CHRM3: variants seen among roughly 807,000 people sequenced by gnomAD.
The protein encoded by CHRM3 is cholinergic receptor muscarinic 3.
A neutral mutation model predicts 41.8 loss-of-function variants in CHRM3; 11 were observed. The observed-to-expected ratio is 0.26, with a 90% CI of 0.17 to 0.44. The LOEUF is 0.44. CHRM3 is among the 20% of genes least tolerant of loss of function. The probability of loss-of-function intolerance (pLI) is 1.00; values close to 1 mark genes in which losing one functional copy is unlikely to be tolerated. For synonymous variants in CHRM3, 297 were observed against 301.4 expected, an observed-to-expected ratio of 0.99 and a Z score of 0.15; for missense variants, 571 against 745.4, an observed-to-expected ratio of 0.77 and a Z score of 2.72.
At chr1:239,611,291 C>T (rs1456551471) in intron 3 of CHRM3, among the ~76,000 whole-genome samples, 1 of 151,704 alleles carries the variant, frequency 6.6e-6, no homozygotes, top group South Asian at 2.1e-4. Flanking sequence ...GAGTCCTTCT[C>T]GATTATAGTC....
chr1:239,401,836 T>G (rs1171687610), intron 1 of CHRM3, among the ~76,000 whole-genome samples: 1 of 152,108 alleles, frequency 6.6e-6, no homozygotes, highest in Non-Finnish European at 1.5e-5. Flanking sequence ...AGGCCTCTTA[T>G]TTTATATTTG....
rs369400780 is a variant in CHRM3, at chr1:239,611,614, T to C, written c.-312-20610T>C. Among the ~76,000 whole-genome samples, 126 of 152,052 alleles carry C rather than the reference T, an allele frequency of 8.3e-4. 2 individuals carry two copies. In the East Asian group the frequency reaches 0.017, roughly 21 times the overall value. ...TTTTTTATTTTTAGTAGAGATGGGGTTTCACCATGTTGGCCAGGATGGTCT... is the reference window on the plus strand; with the variant it reads ...TTTTTTATTTTTAGTAGAGATGGGGCTTCACCATGTTGGCCAGGATGGTCT... On this transcript the variant is annotated intron_variant, in intron 3 of 6. Transcript: ENST00000676153.
At chr1:239,536,441 AAAGG>A (rs1658204166) in intron 2 of CHRM3, among the ~76,000 whole-genome samples, 2 of 152,200 alleles carry the variant, frequency 1.3e-5, no homozygotes. Context: ...TCTTGACATT[AAAGG>A]AAGTATTATC....
chr1:239,807,007 A>G (rs1358114380), intron 5 of CHRM3, among the ~76,000 whole-genome samples: 1 of 152,162 alleles, frequency 6.6e-6, no homozygotes, highest in Non-Finnish European at 1.5e-5. Flanking sequence ...ATGAGTTTTG[A>G]TGGTGATAAT....
At position 239,416,433 on chromosome 1, in the gene CHRM3, C is replaced by T. The variant is rs181812582; in HGVS notation, c.-521+29206C>T. 6.4e-3 allele frequency among the ~76,000 whole-genome samples: 977 copies of T among 151,730 alleles called. 5 individuals are homozygous for T. The highest frequency in any genetic ancestry group is 0.011 in the Non-Finnish European group (719 of 67,932). ...TTTATCCGTTTTCTCTTGAGTATTA[C>T]GGTTTGGAAGAATAATATTCAGTAT... On this transcript the variant is annotated intron_variant, in intron 1 of 6. Coordinates refer to ENST00000676153, the MANE Select transcript of CHRM3 (RefSeq NM_001375978.1).
At chr1:239,606,607 G>T (rs1399259979) in intron 3 of CHRM3, among the ~76,000 whole-genome samples, 1 of 152,102 alleles carries the variant, frequency 6.6e-6, no homozygotes, top group African/African-American at 2.4e-5. Flanking sequence ...AATATGGTAG[G>T]TTTAATTTAC....
chr1:239,606,910 A>G lies in CHRM3; in HGVS notation c.-312-25314A>G, dbSNP rs577960000. Among the ~76,000 whole-genome samples, 11 of 152,310 alleles carry G rather than the reference A, an allele frequency of 7.2e-5. 1 individual carries two copies. The South Asian group carries it at 2.1e-3, about 29-fold the overall frequency. ...ACCACATACAAACCAGGCAGCACCCAAGACTTAAGCCCTGAAAGGGGGCCT... is the reference window on the plus strand; with the variant it reads ...ACCACATACAAACCAGGCAGCACCCGAGACTTAAGCCCTGAAAGGGGGCCT... On this transcript the variant is annotated intron_variant, in intron 3 of 6. Transcript: ENST00000676153.
At chr1:239,591,519 C>A (rs550395707) in intron 3 of CHRM3, among the ~76,000 whole-genome samples, 1 of 151,732 alleles carries the variant, frequency 6.6e-6, no homozygotes, top group East Asian at 1.9e-4. Context: ...ATGACTGCAG[C>A]GGACTGCTTA....
At chr1:239,832,635 C>T (rs552431029) in intron 6 of CHRM3, among the ~76,000 whole-genome samples, 46 of 151,992 alleles carry the variant, frequency 3.0e-4, no homozygotes, top group African/African-American at 1.1e-3. Flanking sequence ...GAAAGAACAG[C>T]TGCTCCATAG....
chr1:239,522,074 G>A (rs1365891020), intron 2 of CHRM3, among the ~76,000 whole-genome samples: 2 of 152,024 alleles, frequency 1.3e-5, no homozygotes, highest in African/African-American at 4.8e-5. Flanking sequence ...ACAGGGTGAT[G>A]AAGAAACACC....
intron 3 of CHRM3, among the ~76,000 whole-genome samples, chr1:239,588,641 C>T (rs1002566489): frequency 6.6e-6 from 1 of 152,112 alleles, no homozygotes; most frequent in African/African-American, 2.4e-5. Flanking sequence ...CTGTCTTATG[C>T]CCCAGCGTCC....
intron 3 of CHRM3, among the ~76,000 whole-genome samples, chr1:239,592,778 C>T (rs538966904): frequency 2.0e-5 from 3 of 152,122 alleles, no homozygotes; most frequent in South Asian, 2.1e-4. Flanking sequence ...TTTTGAATAA[C>T]GTGGCTATTA....
At chr1:239,515,192 C>G (rs549632967) in intron 2 of CHRM3, among the ~76,000 whole-genome samples, 47 of 151,864 alleles carry the variant, frequency 3.1e-4, no homozygotes, top group African/African-American at 1.1e-3. Context: ...TAGAAATAAA[C>G]TGAATATTCA....
At chr1:239,864,080 A>G (rs192945255) in intron 6 of CHRM3, among the ~76,000 whole-genome samples, 1 of 120,366 alleles carries the variant, frequency 8.3e-6, no homozygotes, top group Admixed American at 7.8e-5. Flanking sequence ...TTGATTTAAG[A>G]AAAAAAAAAA....
intron 1 of CHRM3, among the ~76,000 whole-genome samples, chr1:239,472,959 T>C (rs544440504): frequency 6.6e-6 from 1 of 152,072 alleles, no homozygotes; most frequent in African/African-American, 2.4e-5. Flanking sequence ...ACCAATGAAA[T>C]AACAAAGAAA....
chr1:239,716,422 G>A (rs911037289), intron 5 of CHRM3, among the ~76,000 whole-genome samples: 1 of 151,950 alleles, frequency 6.6e-6, no homozygotes, highest in Admixed American at 6.6e-5. Flanking sequence ...TGAATAATAG[G>A]GAGCTATAAA....
chr1:239,500,149 A>G (rs893100852), intron 2 of CHRM3, among the ~76,000 whole-genome samples: 1 of 152,152 alleles, frequency 6.6e-6, no homozygotes, highest in Non-Finnish European at 1.5e-5. Flanking sequence ...AATTTTGTCA[A>G]AGGCCTTTTC....
chr1:239,451,543 T>G (rs1446008070), intron 1 of CHRM3, among the ~76,000 whole-genome samples: 4 of 152,116 alleles, frequency 2.6e-5, no homozygotes, highest in African/African-American at 9.7e-5. Flanking sequence ...GTAATAGCAG[T>G]GCTCACTCCA....
At chr1:239,816,967 C>T (rs1376321642) in intron 5 of CHRM3, among the ~76,000 whole-genome samples, 7 of 152,044 alleles carry the variant, frequency 4.6e-5, no homozygotes, top group Non-Finnish European at 1.5e-5. Flanking sequence ...TCCTGACTCC[C>T]CCACCTCGGC....
Sources: gnomAD v4.1 joint callset for allele counts (sites outside exome capture counted in the v4.1 genomes callset) on GRCh38, gnomAD v4.1.1 for gene constraint, MANE v1.5 for transcripts, NCBI Gene and HGNC (gene_info 2026-07-23, HGNC 2026-07-21) for gene names.